EXOC6B: variants seen among roughly 807,000 people sequenced by gnomAD.
The protein encoded by EXOC6B is exocyst complex component 6B.
Under a neutral mutation model 113.5 loss-of-function variants are expected in EXOC6B, and 54 were observed. The observed-to-expected ratio is 0.48, with a 90% CI of 0.38 to 0.60. The LOEUF (loss-of-function observed/expected upper bound fraction) is 0.60, where lower values mean the gene tolerates loss of function less well. Among genes scored for constraint, EXOC6B ranks in the 20% least tolerant of loss-of-function variants. The probability of loss-of-function intolerance (pLI) is 0.00; values close to 1 mark genes in which losing one functional copy is unlikely to be tolerated. For missense variants in EXOC6B, 797 were observed against 977.5 expected (o/e 0.82, Z 2.46); for synonymous variants, 357 against 339.0 (o/e 1.05, Z -0.58).
chr2:72,353,890 C>T (rs965735249), intron 19 of EXOC6B, among the ~76,000 whole-genome samples: 1 of 152,024 alleles, frequency 6.6e-6, no homozygotes, highest in Non-Finnish European at 1.5e-5. Flanking sequence ...TCTTTCTGGT[C>T]CATGAAACTT....
intron 19 of EXOC6B, among the ~76,000 whole-genome samples, chr2:72,368,308 A>C (rs1690766068): frequency 1.3e-5 from 2 of 152,166 alleles, no homozygotes; most frequent in African/African-American, 4.8e-5. Flanking sequence ...CCCAAGACTA[A>C]ACCAGGAAGA....
At chr2:72,328,101 C>T (rs576362203) in intron 20 of EXOC6B, among the ~76,000 whole-genome samples, 2 of 152,214 alleles carry the variant, frequency 1.3e-5, no homozygotes, top group East Asian at 3.9e-4. Flanking sequence ...CCTACCCATA[C>T]TTAGGAATAG....
intron 19 of EXOC6B, among the ~76,000 whole-genome samples, chr2:72,360,926 A>T (rs1228808560): frequency 4.3e-5 from 5 of 115,878 alleles, no homozygotes; most frequent in African/African-American, 2.8e-4. Context: ...GGAAGACTCC[A>T]TCTCAAAAAA....
chr2:72,408,994 T>G (rs933181534), intron 18 of EXOC6B, among the ~76,000 whole-genome samples: 2 of 152,128 alleles, frequency 1.3e-5, no homozygotes, highest in African/African-American at 4.8e-5. Flanking sequence ...ATTCAGAATC[T>G]ACAATGAACT....
At chr2:72,226,497 G>A (rs535089668) in intron 20 of EXOC6B, among the ~76,000 whole-genome samples, 16 of 152,290 alleles carry the variant, frequency 1.1e-4, no homozygotes, top group Non-Finnish European at 1.5e-5. Flanking sequence ...GCAGTAGAAG[G>A]AAAGACATGA....
chr2:72,504,253 G>A (rs911354927), intron 11 of EXOC6B, among the ~76,000 whole-genome samples: 2 of 152,022 alleles, frequency 1.3e-5, no homozygotes, highest in African/African-American at 4.8e-5. Flanking sequence ...ATTTAGAACA[G>A]CAGTCCTTTA....
chr2:72,357,079 C>T (rs1690007204), intron 19 of EXOC6B, among the ~76,000 whole-genome samples: 1 of 152,120 alleles, frequency 6.6e-6, no homozygotes, highest in Non-Finnish European at 1.5e-5. Context: ...GAATTGTTGA[C>T]TTCTGGAATT....
intron 6 of EXOC6B, among the ~76,000 whole-genome samples, chr2:72,580,837 G>A (rs999115440): frequency 1.3e-5 from 2 of 152,200 alleles, no homozygotes; most frequent in African/African-American, 4.8e-5. Flanking sequence ...AAAAGGAGCT[G>A]ACAGAAATGT....
intron 1 of EXOC6B, among the ~76,000 whole-genome samples, chr2:72,810,593 G>A (rs903403033): frequency 6.6e-6 from 1 of 151,738 alleles, no homozygotes; most frequent in Non-Finnish European, 1.5e-5. Flanking sequence ...TAAGCAGCAG[G>A]ACAGAAATAA....
intron 6 of EXOC6B, among the ~76,000 whole-genome samples, chr2:72,662,662 A>C (rs959950383): frequency 6.6e-6 from 1 of 152,250 alleles, no homozygotes; most frequent in African/African-American, 2.4e-5. Context: ...ACCAAGTGCT[A>C]AGTGAGGATA....
At chr2:72,496,703 ACATTT>A in intron 13 of EXOC6B, 144 bp from the exon 14 acceptor site, 1 of 652,810 alleles carries the variant, frequency 1.5e-6, no homozygotes, top group Non-Finnish European at 2.7e-6. Context: ...CCCAAAATGA[ACATTT>A]CCCAGTCCCT....
At chr2:72,413,332 A>G (rs1346840257) in intron 18 of EXOC6B, among the ~76,000 whole-genome samples, 1 of 151,972 alleles carries the variant, frequency 6.6e-6, no homozygotes, top group Non-Finnish European at 1.5e-5. Flanking sequence ...TTCTAGGCTA[A>G]TGCCCAAGTT....
chr2:72,271,821 A>T (rs547662709), intron 20 of EXOC6B, among the ~76,000 whole-genome samples: 2 of 152,228 alleles, frequency 1.3e-5, no homozygotes, highest in South Asian at 4.1e-4. Flanking sequence ...GCTCTGTAGC[A>T]AAGCCAAGTC....
intron 19 of EXOC6B, chr2:72,335,253 T>A (rs933544979): frequency 2.0e-6 from 1 of 493,810 alleles, no homozygotes; most frequent in Admixed American, 3.4e-5. Flanking sequence ...CGACCTGAAA[T>A]TTATTCCCAT....
intron 20 of EXOC6B, among the ~76,000 whole-genome samples, chr2:72,212,040 G>T (rs1301092000): frequency 6.6e-6 from 1 of 152,096 alleles, no homozygotes; most frequent in Non-Finnish European, 1.5e-5. Flanking sequence ...AAAAAAAGAG[G>T]CTCCATTGCT....
rs756168687 is a variant in EXOC6B at position 72,499,927 on chromosome 2, T to C, written c.1213A>G (p.Ile405Val). 1.9e-6 allele frequency: 3 copies of C among 1,553,648 alleles called. No homozygotes were observed. Among genetic ancestry groups the C allele is most frequent in the Admixed American group, 2.0e-5 (1 of 51,258 alleles). ...TGAAGTGTGTCAGCAAAAAGCACAA[T>C]GAGGTTCTTCAAATCTAACACAAGG... ...PNLVLDLKNL[I>V]VLFADTLQVY... Residue 405 changes from isoleucine to valine, a missense_variant, in exon 12 of 22, where the codon ATT (isoleucine) becomes GTT (valine). Transcript: ENST00000272427.
intron 6 of EXOC6B, among the ~76,000 whole-genome samples, chr2:72,670,666 T>C (rs1675724948): frequency 6.6e-6 from 1 of 152,202 alleles, no homozygotes; most frequent in African/African-American, 2.4e-5. Context: ...AATCTTTCTT[T>C]TCAGGAAATT....
At chr2:72,600,441 CAAAAAAAAAAAA>C (rs57908608) in intron 6 of EXOC6B, among the ~76,000 whole-genome samples, 1 of 87,474 alleles carries the variant, frequency 1.1e-5, no homozygotes, top group Non-Finnish European at 2.2e-5. Flanking sequence ...GACCTTATCT[CAAAAAAAAAAAA>C]AAAAAAAAAA....
chr2:72,457,398 G>A (rs1697304404), intron 18 of EXOC6B, among the ~76,000 whole-genome samples: 1 of 152,034 alleles, frequency 6.6e-6, no homozygotes, highest in Non-Finnish European at 1.5e-5. Flanking sequence ...GTAAGGCCAG[G>A]GATAGGTATC....
Sources: allele counts gnomAD v4.1 joint callset (sites outside exome capture counted in the v4.1 genomes callset), GRCh38; gene constraint gnomAD v4.1.1; transcripts MANE v1.5; gene names NCBI Gene and HGNC (gene_info 2026-07-23, HGNC 2026-07-21).